TBX20: variants seen among roughly 807,000 people sequenced by gnomAD.
TBX20 encodes the protein T-box transcription factor 20.
In TBX20, 8 loss-of-function variants were observed where a neutral mutation model predicts 42.9. The ratio of observed to expected loss-of-function variants is 0.19; its 90% confidence interval spans 0.11 to 0.34. The LOEUF is 0.34. TBX20 is among the 10% of genes least tolerant of loss of function. TBX20 has a pLI of 1.00. For synonymous variants in TBX20, 198 were observed against 222.8 expected (o/e 0.89, Z 0.99); for missense variants, 411 against 566.0 (o/e 0.73, Z 2.78).
intron 6 of TBX20, among the ~76,000 whole-genome samples, chr7:35,219,882 A>AT (rs1351915319): frequency 6.6e-6 from 1 of 152,220 alleles, no homozygotes; most frequent in African/African-American, 2.4e-5. Flanking sequence ...AAAGGGCCAA[A>AT]TCCCACTGGG....
chr7:35,204,604 C>A (rs1367277579), intron 6 of TBX20, 22 bp from the exon 7 acceptor site: 1 of 1,566,924 alleles, frequency 6.4e-7, no homozygotes, highest in Non-Finnish European at 8.8e-7. Flanking sequence ...TGACATATCA[C>A]AGGTTAAGTA....
intron 7 of TBX20, among the ~76,000 whole-genome samples, chr7:35,204,234 TA>T (rs151163936): frequency 5.4e-5 from 8 of 147,474 alleles, no homozygotes; most frequent in Admixed American, 2.0e-4. Flanking sequence ...TTCTTTCACT[TA>T]AAAAAAAAAC....
intron 1 of TBX20, among the ~76,000 whole-genome samples, chr7:35,252,759 G>A (rs1790329502): frequency 6.6e-6 from 1 of 152,162 alleles, no homozygotes; most frequent in African/African-American, 2.4e-5. Flanking sequence ...TTTATCTTGG[G>A]GTGGTTCTTT....
chr7:35,232,928 G>A (rs772054355), intron 5 of TBX20, among the ~76,000 whole-genome samples: 2 of 152,134 alleles, frequency 1.3e-5, no homozygotes, highest in Non-Finnish European at 2.9e-5. Flanking sequence ...AGGCTGACAC[G>A]AGAATCACCT....
chr7:35,209,352 A>G (rs975664978), intron 6 of TBX20, among the ~76,000 whole-genome samples: 1 of 152,200 alleles, frequency 6.6e-6, no homozygotes, highest in Admixed American at 6.5e-5. Context: ...CTACAAATTC[A>G]AAACTATCAG....
Position 35,245,316 on chromosome 7 carries a change from A to G in TBX20, c.546-259T>C, listed in dbSNP as rs1157478803. Among the ~76,000 whole-genome samples, 51 of 39,632 alleles carry G rather than the reference A, an allele frequency of 1.3e-3. 2 individuals are homozygous for G. The allele number at this position is 39,632 out of a possible 152,430, so 26.0% of individuals were successfully genotyped here. On this transcript the variant is annotated intron_variant, in intron 3 of 7. Coordinates refer to ENST00000408931, the MANE Select transcript of TBX20 (RefSeq NM_001077653.2). ...AAAAGCTGAGCAAGGCATTGTTTAA[A>G]GGGGTGTGTGTGTGTGTGTGTGTGT...
At chr7:35,208,849 T>C (rs1353888122) in intron 6 of TBX20, among the ~76,000 whole-genome samples, 2 of 149,482 alleles carry the variant, frequency 1.3e-5, no homozygotes, top group South Asian at 2.1e-4. Context: ...TTAGATATAA[T>C]ATTCATTCTA....
intron 6 of TBX20, among the ~76,000 whole-genome samples, chr7:35,224,630 C>T (rs1201091388): frequency 6.6e-6 from 1 of 151,278 alleles, no homozygotes. Context: ...TGAGATCGCG[C>T]CACTGCACTC....
chr7:35,251,612 CCCTAAG>C (rs1790307229), intron 1 of TBX20, among the ~76,000 whole-genome samples: 1 of 152,122 alleles, frequency 6.6e-6, no homozygotes, highest in Admixed American at 6.5e-5. Flanking sequence ...GAGGCAAACT[CCCTAAG>C]CCCCAGACTG....
Position 35,249,758 on chromosome 7 carries a change from A to C in TBX20, c.380+193T>G, listed in dbSNP as rs1295787327. On this transcript the variant is annotated intron_variant, in intron 2 of 7. Transcript: ENST00000408931. The surrounding 1 kb of genome is among the most constrained non-coding windows in gnomAD (Gnocchi z 4.3). Reference sequence around the variant, plus strand: ...CCAGGGTGGGGCTTCCCATGACCAAATCCTGAGAACGCAAATGACTAGACA... The same window carrying C: ...CCAGGGTGGGGCTTCCCATGACCAACTCCTGAGAACGCAAATGACTAGACA... Among the ~76,000 whole-genome samples the C allele has an allele frequency of 2.0e-5, 3 of 152,032 alleles. No individual in the cohort carries two copies. Among genetic ancestry groups the C allele is most frequent in the Admixed American group, 1.3e-4 (2 of 15,274 alleles).
At position 35,232,892 on chromosome 7, in the gene TBX20, T is replaced by C. The variant is rs1789894259; in HGVS notation, c.814-1312A>G. On this transcript the variant is annotated intron_variant, in intron 5 of 7. Transcript: ENST00000408931. Reference sequence around the variant, plus strand: ...AAAAAATTAGCCAGGCATAGTGGCATGAGCCTGTAATCCCACCTACTCAGG... The same window carrying C: ...AAAAAATTAGCCAGGCATAGTGGCACGAGCCTGTAATCCCACCTACTCAGG... Among the ~76,000 whole-genome samples, 3 of 152,130 alleles carry C rather than the reference T, an allele frequency of 2.0e-5. No individual in the cohort carries two copies. The South Asian group carries it at 6.2e-4, about 32-fold the overall frequency.
intron 1 of TBX20, 80 bp downstream of exon 1, chr7:35,253,414 G>A: frequency 6.6e-7 from 1 of 1,525,058 alleles, no homozygotes; most frequent in Non-Finnish European, 8.9e-7. Flanking sequence ...AGACGTTGCT[G>A]CGAGCCGCCT....
chr7:35,249,906 T>TCC lies in TBX20; in HGVS notation c.380+43_380+44dup. Reference sequence around the variant, plus strand: ...AGCACCCTCAACTACCCAGGGAGTGTCCTGACTCTCCACCCCCAACCCCCA... The same window carrying TCC: ...AGCACCCTCAACTACCCAGGGAGTGTCCCCTGACTCTCCACCCCCAACCCCCA... On this transcript the variant is annotated intron_variant, in intron 2 of 7. Coordinates refer to ENST00000408931, the MANE Select transcript of TBX20 (RefSeq NM_001077653.2). This position sits in a 1 kb window ranked among gnomAD's most constrained non-coding sequence, Gnocchi z 4.3. 6.4e-7 allele frequency: 1 copy of TCC among 1,570,990 alleles called. No individual in the cohort carries two copies. Among genetic ancestry groups the TCC allele is most frequent in the Non-Finnish European group, 8.6e-7 (1 of 1,156,116 alleles).
At chr7:35,246,451 TAAAGTTGATGA>T in intron 3 of TBX20, among the ~76,000 whole-genome samples, 1 of 152,320 alleles carries the variant, frequency 6.6e-6, no homozygotes, top group South Asian at 2.1e-4. Context: ...TTTAAAGTCC[TAAAGTTGATGA>T]AATGTTCCCT....
chr7:35,207,807 G>A (rs1789424704), intron 6 of TBX20, among the ~76,000 whole-genome samples: 1 of 152,116 alleles, frequency 6.6e-6, no homozygotes, highest in African/African-American at 2.4e-5. Flanking sequence ...CGTGGAACTT[G>A]ACACCAAAAC....
chr7:35,232,197 T>C (rs1259635315), intron 5 of TBX20, among the ~76,000 whole-genome samples: 1 of 152,210 alleles, frequency 6.6e-6, no homozygotes, highest in African/African-American at 2.4e-5. Context: ...CCATCTTTTG[T>C]TATCCCTCCA....
chr7:35,230,773 T>C (rs369883404), intron 6 of TBX20, among the ~76,000 whole-genome samples: 2 of 152,158 alleles, frequency 1.3e-5, no homozygotes, highest in South Asian at 2.1e-4. Flanking sequence ...AATTAAGACA[T>C]TGGACCACAT....
In TBX20 at chr7:35,229,959, A is replaced by G. The variant is rs1407119076; in HGVS notation, c.890+1545T>C. Among the ~76,000 whole-genome samples, 7 of 152,138 alleles carry G rather than the reference A, an allele frequency of 4.6e-5. No individual in the cohort carries two copies. In the East Asian group the frequency reaches 7.7e-4, roughly 17 times the overall value. ...TTCTCCAGGATCACTCACCCAGGAA[A>G]AGGCAGAGGTGAGACTCTAAGCCCT... On this transcript the variant is annotated intron_variant, in intron 6 of 7. Transcript: ENST00000408931.
intron 6 of TBX20, among the ~76,000 whole-genome samples, chr7:35,221,183 T>C (rs1039195626): frequency 3.3e-5 from 5 of 151,762 alleles, no homozygotes; most frequent in African/African-American, 1.2e-4. Flanking sequence ...ATGAATAAAA[T>C]TCTAAGTCCA....
Sources: allele counts gnomAD v4.1 joint callset (sites outside exome capture counted in the v4.1 genomes callset), GRCh38; gene constraint gnomAD v4.1.1; non-coding constraint Gnocchi (gnomAD v3.1); transcripts MANE v1.5; gene names NCBI Gene and HGNC (gene_info 2026-07-23, HGNC 2026-07-21).